The following SLAMF6 variants were observed in gnomAD, a reference collection of about 807,000 sequenced individuals.
SLAMF6 encodes the protein SLAM family member 6.
In SLAMF6, 21 loss-of-function variants were observed where a neutral mutation model predicts 38.3. The ratio of observed to expected loss-of-function variants is 0.55; its 90% CI spans 0.39 to 0.79. The LOEUF is 0.79. SLAMF6 is among the 30% of genes least tolerant of loss of function. SLAMF6 has a pLI of 0.00. For synonymous variants in SLAMF6, 152 were observed against 146.3 expected, an observed-to-expected ratio of 1.04 and a Z score of -0.28; for missense variants, 341 against 385.3, an observed-to-expected ratio of 0.89 and a Z score of 0.96.
At chr1:160,503,032 A>C (rs1557942417) in intron 1 of SLAMF6, among the ~76,000 whole-genome samples, 1 of 152,196 alleles carries the variant, frequency 6.6e-6, no homozygotes, top group Non-Finnish European at 1.5e-5. Flanking sequence ...ATTTCTGAGG[A>C]GGAAGCCAGG....
At chr1:160,495,732 T>G (rs921473560) in intron 2 of SLAMF6, among the ~76,000 whole-genome samples, 1 of 152,104 alleles carries the variant, frequency 6.6e-6, no homozygotes, top group Admixed American at 6.5e-5. Flanking sequence ...CCTCATGGAG[T>G]CTTTGTGAGA....
intron 7 of SLAMF6, 96 bp from the exon 8 acceptor site, chr1:160,486,850 G>A: frequency 2.1e-6 from 3 of 1,396,970 alleles, no homozygotes; most frequent in Middle Eastern, 1.8e-4. Flanking sequence ...ACTACAGAGA[G>A]GCAGATAATA....
chr1:160,502,170 A>T (rs887671631), intron 1 of SLAMF6, among the ~76,000 whole-genome samples: 3 of 152,260 alleles, frequency 2.0e-5, no homozygotes, highest in Non-Finnish European at 4.4e-5. Context: ...TGGCATGGAC[A>T]TTGATGTTCT....
chr1:160,490,891 C>T (rs972791741), intron 3 of SLAMF6, among the ~76,000 whole-genome samples: 2 of 151,986 alleles, frequency 1.3e-5, no homozygotes, highest in African/African-American at 4.8e-5. Flanking sequence ...CCTACATTCC[C>T]AGGCCTTTGA....
intron 1 of SLAMF6, among the ~76,000 whole-genome samples, chr1:160,501,343 T>C (rs1480379036): frequency 1.3e-5 from 2 of 152,236 alleles, no homozygotes; most frequent in African/African-American, 2.4e-5. Context: ...GTGTAAGGCT[T>C]GCCTCTGCAT....
rs775709067 is a variant in SLAMF6, at chr1:160,496,265, T to C, written c.178A>G (p.Thr60Ala). The C allele has an allele frequency of 2.5e-6, 4 of 1,613,962 alleles. No individual in the cohort carries two copies. The highest frequency in any genetic ancestry group is 3.4e-6 in the Non-Finnish European group (4 of 1,179,918). The stretch of plus-strand genomic sequence containing the variant: ...TGGGGTACTATGAAGGCAAGAGATG[T>C]TTCATTGAAAAGCCAAGTGATGAAG... ...VNFITWLFNETSLAFIVPHET... is the reference protein window; with the variant it reads ...VNFITWLFNEASLAFIVPHET... The change falls in exon 2 of 8, where the codon ACA becomes GCA. Residue 60 changes from threonine to alanine, a missense_variant. Physicochemically the swap from Thr to Ala is moderately conservative, Grantham distance 58 (BLOSUM62 0). Coordinates refer to ENST00000368057, the MANE Select transcript of SLAMF6 (RefSeq NM_001184714.2).
intron 1 of SLAMF6, among the ~76,000 whole-genome samples, chr1:160,510,503 T>C (rs1026244684): frequency 6.6e-6 from 1 of 152,130 alleles, no homozygotes; most frequent in African/African-American, 2.4e-5. Flanking sequence ...ATGGCCATCT[T>C]AGTTGATGCA....
intron 1 of SLAMF6, among the ~76,000 whole-genome samples, chr1:160,512,236 G>A (rs1400381525): frequency 6.6e-6 from 1 of 152,170 alleles, no homozygotes. Context: ...CAGCAGCTGT[G>A]GCAGACTGTG....
intron 1 of SLAMF6, among the ~76,000 whole-genome samples, chr1:160,511,630 T>C (rs1015263283): frequency 6.6e-6 from 1 of 152,194 alleles, no homozygotes. Context: ...AACATAATGA[T>C]AAATATTCAT....
chr1:160,489,013 A>T, intron 6 of SLAMF6, 75 bp downstream of exon 6: 1 of 1,356,464 alleles, frequency 7.4e-7, no homozygotes, highest in Non-Finnish European at 1.1e-6. Context: ...GTTCAGTCAG[A>T]TGGTTATGGT....
intron 2 of SLAMF6, among the ~76,000 whole-genome samples, chr1:160,491,673 T>C (rs1653309669): frequency 6.6e-6 from 1 of 152,024 alleles, no homozygotes; most frequent in Non-Finnish European, 1.5e-5. Flanking sequence ...GGGTGGTTAT[T>C]TTATATTTCT....
In SLAMF6 at chr1:160,491,145, G is replaced by T; in HGVS notation, c.626C>A (p.Ser209Tyr). ...NAVSNLSFSV[S>Y]AQKLCEDVKI... ...GTTACCTTCGCAAAGCTTCTGGGCAGAGACAGAGAAGGATAAATTACTGAC... is the reference window on the plus strand; with the variant it reads ...GTTACCTTCGCAAAGCTTCTGGGCATAGACAGAGAAGGATAAATTACTGAC... The change falls in exon 3 of 8, where the codon TCT becomes TAT. Residue 209 changes from serine to tyrosine, a missense_variant. Transcript: ENST00000368057. The T allele has an allele frequency of 6.2e-7, 1 of 1,613,868 alleles. No homozygotes were observed. Among genetic ancestry groups the T allele is most frequent in the Non-Finnish European group, 8.5e-7 (1 of 1,179,958 alleles).
At chr1:160,499,338 T>C (rs190671895) in intron 1 of SLAMF6, among the ~76,000 whole-genome samples, 34 of 152,324 alleles carry the variant, frequency 2.2e-4, no homozygotes, top group Non-Finnish European at 3.4e-4. Context: ...TTGCTCGCTT[T>C]TGTTGGCCTT....
rs867793300 is a variant in SLAMF6 at position 160,485,982 on chromosome 1, G to C, written c.*725C>G. 6.6e-6 allele frequency: 1 copy of C among 152,578 alleles called. No homozygotes were observed. The highest frequency in any genetic ancestry group is 2.4e-5 in the African/African-American group (1 of 41,416). The allele number at this position is 152,578 out of a possible 1,614,324, so 9.5% of individuals were successfully genotyped here. A position where few individuals can be genotyped will look rare whatever the true frequency, so the allele number is the denominator to read the frequency against. On this transcript the variant is annotated 3_prime_UTR_variant, in exon 8 of 8. Transcript: ENST00000368057. ...AGTCTGGGAGACTAAGGCTCCAAAAGGTTAGGCAGTATGTCCCAGGAGATG... is the reference window on the plus strand; with the variant it reads ...AGTCTGGGAGACTAAGGCTCCAAAACGTTAGGCAGTATGTCCCAGGAGATG...
chr1:160,522,782 T>C (rs1655043095), intron 1 of SLAMF6, among the ~76,000 whole-genome samples: 1 of 152,170 alleles, frequency 6.6e-6, no homozygotes, highest in African/African-American at 2.4e-5. Context: ...AGGTTCACAG[T>C]ACGATAGTAG....
rs1652983807 is a variant in SLAMF6, at chr1:160,486,762, A to G, written c.952-8T>C. 2 of 1,613,812 alleles carry G rather than the reference A, an allele frequency of 1.2e-6. No homozygotes were observed. The highest frequency in any genetic ancestry group is 1.7e-6 in the Non-Finnish European group (2 of 1,179,810). ...GGAAAAAGTGGGTTTACTCTGTGGGAAAAAGAGGAAGATGAGGTAGGTTAA... is the reference window on the plus strand; with the variant it reads ...GGAAAAAGTGGGTTTACTCTGTGGGGAAAAGAGGAAGATGAGGTAGGTTAA... On this transcript the variant is annotated splice_polypyrimidine_tract_variant and splice_region_variant and intron_variant, in intron 7 of 7. Coordinates refer to ENST00000368057, the MANE Select transcript of SLAMF6 (RefSeq NM_001184714.2).
intron 1 of SLAMF6, among the ~76,000 whole-genome samples, chr1:160,508,725 C>A (rs1004378408): frequency 6.6e-6 from 1 of 152,050 alleles, no homozygotes; most frequent in Non-Finnish European, 1.5e-5. Context: ...AACAGACAAC[C>A]TACATAATGG....
chr1:160,503,443 G>A (rs1571300259), intron 1 of SLAMF6, among the ~76,000 whole-genome samples: 1 of 152,044 alleles, frequency 6.6e-6, no homozygotes, highest in Non-Finnish European at 1.5e-5. Flanking sequence ...AATCACTTTT[G>A]CACCACACTA....
chr1:160,511,007 T>C (rs1654443273), intron 1 of SLAMF6, among the ~76,000 whole-genome samples: 1 of 152,028 alleles, frequency 6.6e-6, no homozygotes, highest in South Asian at 2.1e-4. Flanking sequence ...AAGAACAAAA[T>C]ACCTGGCAAT....
Sources: gnomAD v4.1 joint callset for allele counts (sites outside exome capture counted in the v4.1 genomes callset) on GRCh38, gnomAD v4.1.1 for gene constraint, MANE v1.5 for transcripts, NCBI Gene and HGNC (gene_info 2026-07-23, HGNC 2026-07-21) for gene names.